Variants in SUSD4 observed in about 807,000 individuals in gnomAD.
SUSD4 encodes the protein sushi domain containing 4.
In SUSD4, 41 loss-of-function variants were observed where a neutral mutation model predicts 50.5. The observed-to-expected ratio is 0.81, with a 90% CI of 0.63 to 1.05. The LOEUF is 1.05. SUSD4 is among the 50% of genes least tolerant of loss of function. The probability of loss-of-function intolerance (pLI) is 0.00; values close to 1 mark genes in which losing one functional copy is unlikely to be tolerated. For synonymous variants in SUSD4, 257 were observed against 257.3 expected, an observed-to-expected ratio of 1.00 and a Z score of 0.01; for missense variants, 580 against 634.7, an observed-to-expected ratio of 0.91 and a Z score of 0.93.
At chr1:223,251,060 A>G (rs1661268953) in intron 5 of SUSD4, among the ~76,000 whole-genome samples, 2 of 152,210 alleles carry the variant, frequency 1.3e-5, no homozygotes, top group Non-Finnish European at 2.9e-5. Flanking sequence ...GAAATAGGGT[A>G]ACTGCAGATG....
At chr1:223,307,096 T>C (rs1665582932) in intron 2 of SUSD4, among the ~76,000 whole-genome samples, 1 of 150,888 alleles carries the variant, frequency 6.6e-6, no homozygotes, top group South Asian at 2.1e-4. Flanking sequence ...CTCTGACTCC[T>C]AGGTGGCTCC....
rs374028660 is a variant in SUSD4 at position 223,268,626 on chromosome 1, A to G, written c.411T>C (p.Tyr137=). ...IEDAEIHNKT[Y]RHGEKLIITC... ...TGATGATTAGCTTCTCTCCATGTCT[A>G]TATGTCTTGTTATGAATCTCAGCAT... Residue 137 remains tyrosine, a synonymous_variant, in exon 4 of 9, where the codon TAT becomes TAC. Coordinates refer to ENST00000366878, the MANE Select transcript of SUSD4 (RefSeq NM_017982.4). 62 of 1,613,914 alleles carry G rather than the reference A, an allele frequency of 3.8e-5. No homozygotes were observed. Among genetic ancestry groups the G allele is most frequent in the Non-Finnish European group, 4.6e-5 (54 of 1,180,002 alleles).
chr1:223,360,568 GA>G (rs1001143455), intron 2 of SUSD4, among the ~76,000 whole-genome samples: 2 of 152,180 alleles, frequency 1.3e-5, no homozygotes, highest in Non-Finnish European at 2.9e-5. Context: ...GGCTTTCTAA[GA>G]CAAAGCATTT....
intron 2 of SUSD4, among the ~76,000 whole-genome samples, chr1:223,325,420 A>G (rs1029927164): frequency 2.0e-5 from 3 of 152,172 alleles, no homozygotes; most frequent in African/African-American, 7.2e-5. Flanking sequence ...ATTCATATCA[A>G]GCTTCATCAA....
intron 2 of SUSD4, among the ~76,000 whole-genome samples, chr1:223,321,708 C>A (rs1022977217): frequency 1.3e-5 from 2 of 152,146 alleles, no homozygotes; most frequent in African/African-American, 4.8e-5. Flanking sequence ...TCTGGTGAAG[C>A]ACATGGACCC....
intron 5 of SUSD4, among the ~76,000 whole-genome samples, chr1:223,237,819 G>A (rs1336475421): frequency 6.6e-6 from 1 of 151,912 alleles, no homozygotes; most frequent in East Asian, 1.9e-4. Flanking sequence ...TTCTTGCAAT[G>A]TCTTTGTCTG....
At chr1:223,322,045 T>C (rs1666602108) in intron 2 of SUSD4, among the ~76,000 whole-genome samples, 1 of 152,220 alleles carries the variant, frequency 6.6e-6, no homozygotes, top group Non-Finnish European at 1.5e-5. Context: ...CCTTTGAGCA[T>C]CAGGTCAGCA....
At chr1:223,303,385 G>A (rs958987965) in intron 2 of SUSD4, among the ~76,000 whole-genome samples, 2 of 152,188 alleles carry the variant, frequency 1.3e-5, no homozygotes, top group Non-Finnish European at 2.9e-5. Context: ...GGGCACTGGG[G>A]GAAGGAGCGG....
intron 5 of SUSD4, among the ~76,000 whole-genome samples, chr1:223,254,752 G>C (rs73122216): frequency 0.016 from 2,411 of 151,700 alleles, 56 homozygotes; most frequent in African/African-American, 0.053. Flanking sequence ...GAGTATGAGA[G>C]AGATGTGTGA....
intron 5 of SUSD4, among the ~76,000 whole-genome samples, chr1:223,252,019 T>C (rs1245051257): frequency 1.6e-5 from 2 of 125,580 alleles, no homozygotes; most frequent in Non-Finnish European, 3.1e-5. Context: ...AATTGAACAA[T>C]GAGAACACTT....
intron 3 of SUSD4, among the ~76,000 whole-genome samples, chr1:223,270,736 A>C (rs1051654095): frequency 2.0e-5 from 3 of 151,914 alleles, no homozygotes; most frequent in African/African-American, 7.3e-5. Flanking sequence ...TGCCCAGCTA[A>C]TTTTGTATTT....
At chr1:223,281,910 C>A (rs1346929471) in intron 3 of SUSD4, among the ~76,000 whole-genome samples, 1 of 152,150 alleles carries the variant, frequency 6.6e-6, no homozygotes, top group Non-Finnish European at 1.5e-5. Context: ...GGGCTTCATC[C>A]CTAGGATGCA....
chr1:223,264,387 T>A (rs1662331039), intron 5 of SUSD4: 1 of 1,224,732 alleles, frequency 8.2e-7, no homozygotes, highest in Admixed American at 4.0e-5. Flanking sequence ...TAACCTTTAA[T>A]GTTCGCAACT....
chr1:223,235,174 C>A, intron 5 of SUSD4: 3 of 1,428,948 alleles, frequency 2.1e-6, no homozygotes, highest in Non-Finnish European at 2.8e-6. Flanking sequence ...ACCTAAAGCC[C>A]TTTTCTTTCT....
At chr1:223,262,908 CAT>C (rs1054700039) in intron 5 of SUSD4, among the ~76,000 whole-genome samples, 1 of 152,192 alleles carries the variant, frequency 6.6e-6, no homozygotes, top group Non-Finnish European at 1.5e-5. Context: ...GGAAAGGGGA[CAT>C]GTTAGGCCAG....
In SUSD4 at chr1:223,265,700, G is replaced by T. The variant is rs550760498; in HGVS notation, c.536-882C>A. The stretch of plus-strand genomic sequence containing the variant: ...AAGCAGCCTGTTTGCCCTGAAGCCT[G>T]TGCAGCCAGTAGAACACTCCTGGTG... On this transcript the variant is annotated intron_variant, in intron 4 of 8. Coordinates refer to ENST00000366878, the MANE Select transcript of SUSD4 (RefSeq NM_017982.4). Among the ~76,000 whole-genome samples, 4 of 152,348 alleles carry T rather than the reference G, an allele frequency of 2.6e-5. No homozygotes were observed. In the South Asian group the frequency reaches 8.3e-4, roughly 32 times the overall value.
At chr1:223,356,462 G>A (rs1421055104) in intron 2 of SUSD4, among the ~76,000 whole-genome samples, 4 of 151,252 alleles carry the variant, frequency 2.6e-5, no homozygotes, top group Non-Finnish European at 5.9e-5. Context: ...CCAGACTGGA[G>A]TGCACTGGCA....
chr1:223,233,092 A>G (rs1291316409), intron 5 of SUSD4, among the ~76,000 whole-genome samples: 3 of 152,210 alleles, frequency 2.0e-5, no homozygotes, highest in East Asian at 3.8e-4. Context: ...GGGAAGCCCC[A>G]AACATTCAGA....
chr1:223,252,071 G>C (rs1344744409), intron 5 of SUSD4, among the ~76,000 whole-genome samples: 1 of 110,526 alleles, frequency 9.0e-6, no homozygotes, highest in African/African-American at 3.5e-5. Flanking sequence ...GCCTGTTGTG[G>C]GGTGGGGGGA....
Sources: allele counts gnomAD v4.1 joint callset (sites outside exome capture counted in the v4.1 genomes callset), GRCh38; gene constraint gnomAD v4.1.1; transcripts MANE v1.5; gene names NCBI Gene and HGNC (gene_info 2026-07-23, HGNC 2026-07-21).